The following DLGAP2 variants were observed in gnomAD, a reference collection of about 807,000 sequenced individuals.
The protein encoded by DLGAP2 is disks large-associated protein 2.
A neutral mutation model predicts 100.3 loss-of-function variants in DLGAP2; 26 were observed. The ratio of observed to expected loss-of-function variants is 0.26; its 90% CI spans 0.19 to 0.36. The LOEUF (loss-of-function observed/expected upper bound fraction) is 0.36. DLGAP2 is among the 10% of genes least tolerant of loss of function. DLGAP2 has a pLI of 1.00. For synonymous variants in DLGAP2, 886 were observed against 630.1 expected (o/e 1.41, Z -6.08); for missense variants, 1,858 against 1,453.2 (o/e 1.28, Z -4.53).
intron 2 of DLGAP2, among the ~76,000 whole-genome samples, chr8:1,241,766 C>T (rs1798802163): frequency 6.6e-6 from 1 of 151,626 alleles, no homozygotes; most frequent in African/African-American, 2.4e-5. Flanking sequence ...CTAATAAATT[C>T]TGGAAACCTT....
intron 1 of DLGAP2, among the ~76,000 whole-genome samples, chr8:905,759 G>T (rs1463993546): frequency 1.3e-5 from 2 of 152,292 alleles, no homozygotes; most frequent in South Asian, 2.1e-4. Context: ...GACATTCTGG[G>T]CTGGTCCTGC....
chr8:764,662 T>G (rs1821165851), intron 1 of DLGAP2, among the ~76,000 whole-genome samples: 1 of 152,192 alleles, frequency 6.6e-6, no homozygotes, highest in Non-Finnish European at 1.5e-5. Flanking sequence ...GATACATCAG[T>G]AACCTCTACC....
intron 4 of DLGAP2, among the ~76,000 whole-genome samples, chr8:1,525,213 T>C (rs1001270689): frequency 1.6e-5 from 2 of 122,788 alleles, no homozygotes; most frequent in Non-Finnish European, 3.5e-5. Context: ...TTTTTTTTTT[T>C]GATATATGAC....
At chr8:1,017,785 A>C (rs1187626992) in intron 2 of DLGAP2, among the ~76,000 whole-genome samples, 1 of 152,174 alleles carries the variant, frequency 6.6e-6, no homozygotes, top group Non-Finnish European at 1.5e-5. Context: ...TCTGAGTGCA[A>C]GTGGCCACCT....
chr8:1,269,542 G>A (rs571348761), intron 3 of DLGAP2, among the ~76,000 whole-genome samples: 3 of 152,274 alleles, frequency 2.0e-5, no homozygotes, highest in Admixed American at 6.5e-5. Flanking sequence ...CTGAAACCCC[G>A]TATTATTGTG....
intron 2 of DLGAP2, among the ~76,000 whole-genome samples, chr8:1,036,365 C>T (rs571083425): frequency 1.3e-5 from 2 of 152,382 alleles, no homozygotes; most frequent in African/African-American, 4.8e-5. Flanking sequence ...GGACACAAGA[C>T]CCCCCGACGT....
chr8:764,639 A>G (rs1383394713), intron 1 of DLGAP2, among the ~76,000 whole-genome samples: 3 of 152,014 alleles, frequency 2.0e-5, no homozygotes, highest in African/African-American at 7.2e-5. Context: ...TTGATCAGTT[A>G]TTTTTCTAAT....
At chr8:1,214,602 CAATT>C (rs1798174925) in intron 2 of DLGAP2, among the ~76,000 whole-genome samples, 2 of 152,358 alleles carry the variant, frequency 1.3e-5, no homozygotes, top group Non-Finnish European at 1.5e-5. Context: ...TGGCCTCTTT[CAATT>C]AATTGATCAT....
In DLGAP2 at chr8:1,549,017, C is replaced by G. The variant is rs1293245918; in HGVS notation, c.564C>G (p.Ile188Met). The G allele has an allele frequency of 1.3e-6, 2 of 1,597,346 alleles. No individual in the cohort carries two copies. The highest frequency in any genetic ancestry group is 1.7e-6 in the Non-Finnish European group (2 of 1,177,518). ...ACGCGGGCGCCAAGATCAACCGCAT[C>G]CCGGCCAACCTGCTGGACCAGTTCG... The part of the protein sequence containing the change: ...VAHAGAKINR[I>M]PANLLDQFEK... Residue 188 changes from isoleucine (I) to methionine (M), a missense_variant, in exon 5 of 15, where the codon ATC (isoleucine) becomes ATG (methionine). By Grantham distance (10) the Ile-to-Met change is conservative (BLOSUM62 1). Transcript: ENST00000637795.
intron 1 of DLGAP2, among the ~76,000 whole-genome samples, chr8:828,686 C>T (rs1015087154): frequency 1.3e-5 from 2 of 152,142 alleles, no homozygotes; most frequent in African/African-American, 4.8e-5. Flanking sequence ...CACAAGGGTA[C>T]TGATTGGGGA....
chr8:1,209,228 ATCACATTACC>A (rs1798056297), intron 2 of DLGAP2, among the ~76,000 whole-genome samples: 1 of 152,244 alleles, frequency 6.6e-6, no homozygotes, highest in Non-Finnish European at 1.5e-5. Context: ...ATCTGGAGGC[ATCACATTACC>A]CAACTTCAAA....
intron 3 of DLGAP2, among the ~76,000 whole-genome samples, chr8:1,498,380 A>T (rs6991971): frequency 5.1e-4 from 15 of 29,208 alleles, no homozygotes; most frequent in East Asian, 1.2e-3. Flanking sequence ...CAAAATAAAT[A>T]AAAAAAAAAA....
At chr8:1,455,230 G>A (rs185212749) in intron 3 of DLGAP2, among the ~76,000 whole-genome samples, 2 of 152,370 alleles carry the variant, frequency 1.3e-5, no homozygotes, top group African/African-American at 4.8e-5. Context: ...CCACGTGGAC[G>A]CCCAGTCAGG....
intron 8 of DLGAP2, among the ~76,000 whole-genome samples, chr8:1,644,791 T>G (rs540920001): frequency 6.6e-6 from 1 of 152,358 alleles, no homozygotes; most frequent in South Asian, 2.1e-4. Flanking sequence ...ATTTAAAATG[T>G]ATTGACACCA....
chr8:1,006,334 C>T lies in DLGAP2; in HGVS notation c.73+98368C>T, dbSNP rs552782758. ...AGTCTCAGAATACGGTCCTTTATCA[C>T]GTCAGGGGTGCCCTGCGTCTCAAGT... is the stretch of plus-strand genomic sequence containing the variant. On this transcript the variant is annotated intron_variant, in intron 2 of 14. Coordinates refer to ENST00000637795, the MANE Select transcript of DLGAP2 (RefSeq NM_001346810.2). Among the ~76,000 whole-genome samples the T allele has an allele frequency of 3.7e-4, 57 of 152,296 alleles. No homozygotes were observed. The South Asian group carries it at 4.3e-3, about 12-fold the overall frequency.
intron 2 of DLGAP2, among the ~76,000 whole-genome samples, chr8:1,047,603 G>C (rs952299054): frequency 6.6e-6 from 1 of 152,130 alleles, no homozygotes; most frequent in African/African-American, 2.4e-5. Flanking sequence ...GGAAGGCCAA[G>C]ATCAAGACAC....
At chr8:1,442,565 A>G (rs945808264) in intron 3 of DLGAP2, among the ~76,000 whole-genome samples, 1 of 136,794 alleles carries the variant, frequency 7.3e-6, no homozygotes, top group Admixed American at 7.3e-5. Context: ...CCGGGCGTAG[A>G]CCCGCCAGGC....
intron 2 of DLGAP2, among the ~76,000 whole-genome samples, chr8:1,087,973 C>T (rs2701897): frequency 1.3e-5 from 2 of 152,216 alleles, no homozygotes; most frequent in East Asian, 3.9e-4. Flanking sequence ...GCTATGTGGC[C>T]TCCTTATCCA....
chr8:1,654,016 T>G (rs376072870), intron 8 of DLGAP2, among the ~76,000 whole-genome samples: 2 of 152,222 alleles, frequency 1.3e-5, no homozygotes, highest in Non-Finnish European at 1.5e-5. Flanking sequence ...GACGGATCAA[T>G]GTCTGCGCAC....
Sources: allele counts gnomAD v4.1 joint callset (sites outside exome capture counted in the v4.1 genomes callset), GRCh38; gene constraint gnomAD v4.1.1; transcripts MANE v1.5; gene names NCBI Gene and HGNC (gene_info 2026-07-23, HGNC 2026-07-21).